Variants in TBC1D22B observed in about 807,000 individuals in gnomAD.
TBC1D22B encodes chromosome 6 open reading frame 197.
A neutral mutation model predicts 69.1 loss-of-function variants in TBC1D22B; 32 were observed. The observed-to-expected ratio is 0.46, with a 90% confidence interval of 0.35 to 0.62. The LOEUF is 0.62. Ranked by LOEUF, TBC1D22B falls within the 20% of genes least tolerant of loss-of-function variation. The probability of loss-of-function intolerance (pLI) is 0.00; values close to 1 mark genes in which losing one functional copy is unlikely to be tolerated. For missense variants in TBC1D22B, 462 were observed against 630.9 expected (o/e 0.73, Z 2.87); for synonymous variants, 206 against 229.8 (o/e 0.90, Z 0.94).
intron 12 of TBC1D22B, chr6:37,324,140 T>C: frequency 5.4e-6 from 2 of 367,648 alleles, no homozygotes; most frequent in South Asian, 4.1e-5. Flanking sequence ...GAATACACTA[T>C]ACATTTGCAA....
intron 6 of TBC1D22B, among the ~76,000 whole-genome samples, chr6:37,285,764 A>T (rs2113744761): frequency 6.6e-6 from 1 of 152,252 alleles, no homozygotes; most frequent in African/African-American, 2.4e-5. Flanking sequence ...AAGTGCTGGG[A>T]TTACAGGTAT....
At chr6:37,276,528 A>G (rs73419875) in intron 2 of TBC1D22B, among the ~76,000 whole-genome samples, 3,983 of 152,092 alleles carry the variant, frequency 0.026, 166 homozygotes, top group African/African-American at 0.089. Context: ...TTTCTTCTTC[A>G]TTGTGTTGGA....
Position 37,317,146 on chromosome 6 carries a change from C to A in TBC1D22B, c.1329C>A (p.Tyr443Ter). 6.3e-7 allele frequency: 1 copy of A among 1,578,528 alleles called. No homozygotes were observed. Among genetic ancestry groups the A allele is most frequent in the South Asian group, 1.2e-5 (1 of 86,316 alleles). Residue 443 changes from tyrosine (Y) to a stop codon, truncating the protein, a stop_gained, in exon 12 of 13, where the codon TAC becomes TAA. Transcript: ENST00000373491. LOFTEE classifies it high-confidence loss of function. Reference protein sequence around the residue: ...EPEGFSHFHLYVCAAFLIKWR... With the variant: ...EPEGFSHFHL ...AAGGGTTCTCCCACTTTCATCTCTA[C>A]GTGTGTGCAGCCTTCTTGATCAAGT...
intron 2 of TBC1D22B, among the ~76,000 whole-genome samples, chr6:37,274,237 A>G (rs1244358657): frequency 6.6e-6 from 1 of 152,218 alleles, no homozygotes; most frequent in African/African-American, 2.4e-5. Flanking sequence ...GATTGTTACT[A>G]AATTTCTCCA....
intron 8 of TBC1D22B, among the ~76,000 whole-genome samples, chr6:37,294,116 T>C (rs965275023): frequency 1.8e-4 from 27 of 152,358 alleles, no homozygotes; most frequent in African/African-American, 6.5e-4. Context: ...AGATCATTGA[T>C]GAAGGCGGTA....
rs1203687293 is a variant in TBC1D22B, at chr6:37,262,099, C to T, written c.56+4126C>T. 2.7e-5 allele frequency among the ~76,000 whole-genome samples: 4 copies of T among 147,948 alleles called. No individual in the cohort carries two copies. In the Admixed American group the frequency reaches 2.7e-4, roughly 10 times the overall value. On this transcript the variant is annotated intron_variant, in intron 1 of 12. Coordinates refer to ENST00000373491, the MANE Select transcript of TBC1D22B (RefSeq NM_017772.4). ...AGGCTGGAGTGCAGTGGCACGATCT[C>T]AGCTCACTGCAGCCTCTACCTCCCA... is the stretch of plus-strand genomic sequence containing the variant.
rs184852194 is a variant in TBC1D22B at position 37,284,740 on chromosome 6, A to G, written c.801+276A>G. 1.5e-3 allele frequency among the ~76,000 whole-genome samples: 226 copies of G among 152,310 alleles called. 3 individuals carry two copies. In the South Asian group the frequency reaches 0.018, roughly 12 times the overall value. On this transcript the variant is annotated intron_variant, in intron 6 of 12. Coordinates refer to ENST00000373491, the MANE Select transcript of TBC1D22B (RefSeq NM_017772.4). ...CTAGGATCTTGATAAGATCTCACCT[A>G]GAGATTATGAGAAAATGCAGATTCT...
chr6:37,278,928 C>CA (rs557025264), intron 2 of TBC1D22B, among the ~76,000 whole-genome samples: 18,269 of 138,882 alleles, frequency 0.13, 1,132 homozygotes, highest in African/African-American at 0.15. Flanking sequence ...AACTCTGTCT[C>CA]AAAAAAAAAA....
chr6:37,263,908 T>C (rs998434406), intron 1 of TBC1D22B, among the ~76,000 whole-genome samples: 4 of 152,194 alleles, frequency 2.6e-5, no homozygotes, highest in African/African-American at 9.7e-5. Flanking sequence ...TTAAATGAAA[T>C]GTGACAAATG....
intron 1 of TBC1D22B, among the ~76,000 whole-genome samples, chr6:37,258,538 C>T (rs1015024756): frequency 4.6e-5 from 7 of 152,172 alleles, no homozygotes; most frequent in Non-Finnish European, 8.8e-5. Context: ...TATTACAAGA[C>T]GACCACAGAA....
chr6:37,323,254 G>T (rs897463214), intron 12 of TBC1D22B, among the ~76,000 whole-genome samples: 1 of 152,154 alleles, frequency 6.6e-6, no homozygotes, highest in Non-Finnish European at 1.5e-5. Context: ...GATGCCAGTC[G>T]CAGTGGCTCA....
At chr6:37,303,240 C>A (rs965890002) in intron 8 of TBC1D22B, among the ~76,000 whole-genome samples, 6 of 152,134 alleles carry the variant, frequency 3.9e-5, no homozygotes, top group South Asian at 2.1e-4. Flanking sequence ...TTTAGGCAAT[C>A]TTTGCTATTC....
intron 8 of TBC1D22B, among the ~76,000 whole-genome samples, chr6:37,305,772 G>GA (rs1373587153): frequency 3.3e-5 from 5 of 152,092 alleles, no homozygotes; most frequent in African/African-American, 4.8e-5. Flanking sequence ...CACCCGTCTC[G>GA]GCCTCCCAAA....
At chr6:37,315,163 G>T (rs1241262740) in intron 10 of TBC1D22B, among the ~76,000 whole-genome samples, 1 of 152,048 alleles carries the variant, frequency 6.6e-6, no homozygotes, top group African/African-American at 2.4e-5. Context: ...TATTTTTTCC[G>T]CCCTTACAAA....
intron 8 of TBC1D22B, among the ~76,000 whole-genome samples, chr6:37,301,983 C>T (rs958972615): frequency 6.6e-6 from 1 of 152,190 alleles, no homozygotes; most frequent in African/African-American, 2.4e-5. Flanking sequence ...GGGATCTGCC[C>T]TAGTGGAGCC....
At chr6:37,274,111 A>G (rs925824803) in intron 2 of TBC1D22B, among the ~76,000 whole-genome samples, 4 of 152,224 alleles carry the variant, frequency 2.6e-5, no homozygotes, top group Non-Finnish European at 4.4e-5. Context: ...TGGTATGACA[A>G]GCTTCTAAGT....
rs576252920 is a variant in TBC1D22B, at chr6:37,330,514, G to A, written c.1390-530G>A. On this transcript the variant is annotated intron_variant, in intron 12 of 12. Transcript: ENST00000373491. ...AGCCTCCCAAAGTGTGGGATTACAGGCGTGAGCCACCGCGCCTGGCCTATA... is the reference window on the plus strand; with the variant it reads ...AGCCTCCCAAAGTGTGGGATTACAGACGTGAGCCACCGCGCCTGGCCTATA... Among the ~76,000 whole-genome samples, 16 of 152,210 alleles carry A rather than the reference G, an allele frequency of 1.1e-4. No homozygotes were observed. In the South Asian group the frequency reaches 3.3e-3, roughly 32 times the overall value.
At chr6:37,308,083 G>A (rs1336380243) in intron 8 of TBC1D22B, among the ~76,000 whole-genome samples, 1 of 152,232 alleles carries the variant, frequency 6.6e-6, no homozygotes, top group African/African-American at 2.4e-5. Flanking sequence ...AAGGCCCAGA[G>A]TGGCCAATTT....
At chr6:37,319,540 C>T (rs1422396143) in intron 12 of TBC1D22B, among the ~76,000 whole-genome samples, 3 of 152,198 alleles carry the variant, frequency 2.0e-5, no homozygotes, top group Non-Finnish European at 2.9e-5. Context: ...ATATTCTTTA[C>T]TGGGTAGCAT....
Sources: allele counts gnomAD v4.1 joint callset (sites outside exome capture counted in the v4.1 genomes callset), GRCh38; gene constraint gnomAD v4.1.1; transcripts MANE v1.5; gene names NCBI Gene and HGNC (gene_info 2026-07-23, HGNC 2026-07-21).